The following SFMBT2 variants were observed in gnomAD, a reference collection of about 807,000 sequenced individuals.
SFMBT2 encodes the protein Scm like with four mbt domains 2.
Under a neutral mutation model 110.1 loss-of-function variants are expected in SFMBT2, and 38 were observed. The ratio of observed to expected loss-of-function variants is 0.35; its 90% CI spans 0.27 to 0.45. SFMBT2 has a LOEUF of 0.45. Among genes scored for constraint, SFMBT2 ranks in the 20% least tolerant of loss-of-function variants. The pLI is 1.00. For missense variants in SFMBT2, 1,011 were observed against 1,094.9 expected, an observed-to-expected ratio of 0.92 and a Z score of 1.08; for synonymous variants, 425 against 425.4, an observed-to-expected ratio of 1.00 and a Z score of 0.01.
intron 15 of SFMBT2, among the ~76,000 whole-genome samples, chr10:7,193,459 C>T (rs1838667193): frequency 6.6e-6 from 1 of 152,190 alleles, no homozygotes; most frequent in South Asian, 2.1e-4. Context: ...AGGACAATGT[C>T]CCCCCACCAT....
intron 1 of SFMBT2, among the ~76,000 whole-genome samples, chr10:7,385,161 C>T (rs754661374): frequency 3.3e-5 from 5 of 152,310 alleles, no homozygotes; most frequent in East Asian, 3.9e-4. Context: ...AATACCCAAG[C>T]GTCCACTGAG....
intron 4 of SFMBT2, chr10:7,348,189 G>A: frequency 1.1e-6 from 1 of 896,264 alleles, no homozygotes; most frequent in Non-Finnish European, 1.6e-6. Flanking sequence ...AAAGGGTTTG[G>A]GTTGGTTTAT....
At chr10:7,222,149 G>A (rs1469356045) in intron 10 of SFMBT2, among the ~76,000 whole-genome samples, 1 of 152,116 alleles carries the variant, frequency 6.6e-6, no homozygotes, top group Non-Finnish European at 1.5e-5. Context: ...ATAATACACT[G>A]AGATTCATCC....
chr10:7,277,473 G>A (rs1240743204), intron 6 of SFMBT2: 1 of 241,250 alleles, frequency 4.1e-6, no homozygotes, highest in Non-Finnish European at 6.7e-6. Flanking sequence ...AATAGTCCCT[G>A]TAAGTCAGAA....
chr10:7,176,267 A>G, intron 16 of SFMBT2, 102 bp from the exon 17 acceptor site: 1 of 1,271,942 alleles, frequency 7.9e-7, no homozygotes, highest in Non-Finnish European at 1.1e-6. Flanking sequence ...TTTTCCAATG[A>G]CAAAGCATAT....
intron 4 of SFMBT2, among the ~76,000 whole-genome samples, chr10:7,307,289 C>G (rs1842724164): frequency 6.6e-6 from 1 of 152,040 alleles, no homozygotes; most frequent in African/African-American, 2.4e-5. Flanking sequence ...TTTAGTCGAC[C>G]CTATTCCAAT....
Position 7,173,220 on chromosome 10 carries a change from A to T in SFMBT2, c.1985-559T>A, listed in dbSNP as rs932420529. On this transcript the variant is annotated intron_variant, in intron 17 of 20. Coordinates refer to ENST00000397167, the MANE Select transcript of SFMBT2 (RefSeq NM_001387889.1). ...ACTTCTGCAGAAGGTGAAAGAGACAAAGGTGTCCACAGTTCCCACGGGAGT... is the reference window on the plus strand; with the variant it reads ...ACTTCTGCAGAAGGTGAAAGAGACATAGGTGTCCACAGTTCCCACGGGAGT... Among the ~76,000 whole-genome samples the T allele has an allele frequency of 4.6e-5, 7 of 152,322 alleles. No individual in the cohort carries two copies. In the East Asian group the frequency reaches 1.3e-3, roughly 29 times the overall value.
rs758188731 is a variant in SFMBT2 at position 7,176,088 on chromosome 10, A to G, written c.1886T>C (p.Val629Ala). ...SDQVANFCRRVCAKLECCPNL... is the reference protein window; with the variant it reads ...SDQVANFCRRACAKLECCPNL... Reference sequence around the variant, plus strand: ...TGGACAGCACTCTAGCTTGGCACAGACTCGGCGGCAGAAATTTGCGACTTG... The same window carrying G: ...TGGACAGCACTCTAGCTTGGCACAGGCTCGGCGGCAGAAATTTGCGACTTG... Residue 629 changes from valine to alanine, a missense_variant, in exon 17 of 21, where the codon GTC (valine) becomes GCC (alanine). Val to Ala is a moderately conservative substitution (Grantham distance 64). This residue lies in a region of SFMBT2 where 979 missense variants were observed against 1,016.1 expected (regional missense o/e 0.96). Transcript: ENST00000397167. 2 of 1,614,122 alleles carry G rather than the reference A, an allele frequency of 1.2e-6. No individual in the cohort carries two copies. The highest frequency in any genetic ancestry group is 2.2e-5 in the South Asian group (2 of 91,078).
At chr10:7,249,031 C>A (rs1840714032) in intron 7 of SFMBT2, 1 of 859,734 alleles carries the variant, frequency 1.2e-6, no homozygotes, top group East Asian at 1.2e-4. Flanking sequence ...GGAGTCACAT[C>A]TCAGGGCTTC....
At chr10:7,226,558 A>G (rs1839901841) in intron 10 of SFMBT2, among the ~76,000 whole-genome samples, 2 of 152,252 alleles carry the variant, frequency 1.3e-5, no homozygotes, top group African/African-American at 4.8e-5. Context: ...GATCTCAAGT[A>G]AGAGGAGGCT....
At position 7,172,098 on chromosome 10, in the gene SFMBT2, A is replaced by G; in HGVS notation, c.2212T>C (p.Ser738Pro). The change falls in exon 19 of 21, where the codon TCC becomes CCC. Residue 738 changes from serine to proline, a missense_variant. By Grantham distance (74) the Ser-to-Pro change is moderately conservative. This residue lies in a region of SFMBT2 where 979 missense variants were observed against 1,016.1 expected (regional missense o/e 0.96). Transcript: ENST00000397167. The surrounding 1 kb of genome is among the most constrained non-coding windows in gnomAD (Gnocchi z 4.6). ...TCCGTCTGGTCATCCCGGAGCTCGG[A>G]GCCGGTCTCCTCACTGGCGGTGTCA... ...DDDTASEETG[S>P]ELRDDQTDTS... 1 of 1,605,022 alleles carries G rather than the reference A, an allele frequency of 6.2e-7. No homozygotes were observed. Among genetic ancestry groups the G allele is most frequent in the Non-Finnish European group, 8.5e-7 (1 of 1,175,102 alleles).
At chr10:7,176,685 G>A (rs1237192560) in intron 16 of SFMBT2, 5 of 170,274 alleles carry the variant, frequency 2.9e-5, no homozygotes, top group African/African-American at 1.2e-4. Flanking sequence ...AATGGCATCT[G>A]TGCAGAATGG....
intron 4 of SFMBT2, among the ~76,000 whole-genome samples, chr10:7,349,604 C>T (rs1214194415): frequency 6.6e-6 from 1 of 151,514 alleles, no homozygotes; most frequent in East Asian, 1.9e-4. Context: ...ATTACAGGTG[C>T]CCGCCACCAC....
At chr10:7,275,568 C>G (rs1177628957) in intron 7 of SFMBT2, among the ~76,000 whole-genome samples, 1 of 152,100 alleles carries the variant, frequency 6.6e-6, no homozygotes, top group African/African-American at 2.4e-5. Flanking sequence ...ACAACATTGG[C>G]CACCACAACT....
chr10:7,396,559 C>T (rs1371196353), intron 1 of SFMBT2, among the ~76,000 whole-genome samples: 1 of 152,094 alleles, frequency 6.6e-6, no homozygotes, highest in Admixed American at 6.6e-5. Context: ...AAGATAAGTC[C>T]AGTTCCAACT....
In SFMBT2 at chr10:7,235,939, A is replaced by G. The variant is rs189122226; in HGVS notation, c.1120+7619T>C. On this transcript the variant is annotated intron_variant, in intron 9 of 20. Transcript: ENST00000397167. ...ACGAAAGGAAATAAATTCACACTCA[A>G]TAAAACACCAACAACATCAACAGCT... Among the ~76,000 whole-genome samples the G allele has an allele frequency of 3.0e-4, 46 of 152,304 alleles. 3 individuals carry two copies. Among genetic ancestry groups the G allele is most frequent in the African/African-American group, 9.1e-4 (38 of 41,584 alleles).
Position 7,408,578 on chromosome 10 carries a change from C to A in SFMBT2, c.-52+2283G>T, listed in dbSNP as rs1360330246. Among the ~76,000 whole-genome samples the A allele has an allele frequency of 6.6e-6, 1 of 152,196 alleles. No homozygotes were observed. The highest frequency in any genetic ancestry group is 1.9e-4 in the East Asian group (1 of 5,178). ...ACCTGCCCCCGCCAGCCCCGGGGAC[C>A]GTGCGCGGCCTCCGTGTGGCCCCCG... is the stretch of plus-strand genomic sequence containing the variant. On this transcript the variant is annotated intron_variant, in intron 1 of 20. Transcript: ENST00000397167. The surrounding 1 kb of genome is among the most constrained non-coding windows in gnomAD (Gnocchi z 5.7).
intron 4 of SFMBT2, among the ~76,000 whole-genome samples, chr10:7,343,352 C>T (rs935493031): frequency 3.3e-5 from 5 of 152,092 alleles, no homozygotes; most frequent in African/African-American, 7.2e-5. Context: ...GTGGTGAACA[C>T]ACACGTGCAT....
chr10:7,381,312 GTC>G (rs1052519139), intron 2 of SFMBT2, among the ~76,000 whole-genome samples: 1 of 152,016 alleles, frequency 6.6e-6, no homozygotes, highest in Non-Finnish European at 1.5e-5. Flanking sequence ...TGGATGTCCT[GTC>G]TCTCTCTCTC....
Sources: gnomAD v4.1 joint callset for allele counts (sites outside exome capture counted in the v4.1 genomes callset) on GRCh38, gnomAD v4.1.1 for gene constraint, gnomAD v4.1.1 regional missense constraint, Gnocchi (gnomAD v3.1) non-coding constraint, MANE v1.5 for transcripts, NCBI Gene and HGNC (gene_info 2026-07-23, HGNC 2026-07-21) for gene names.